ABI1: variants seen among roughly 807,000 people sequenced by gnomAD.
ABI1 encodes the protein Abelson interactor 1.
Under a neutral mutation model 54.6 loss-of-function variants are expected in ABI1, and 14 were observed. The observed-to-expected ratio is 0.26, with a 90% CI of 0.17 to 0.40. The LOEUF (loss-of-function observed/expected upper bound fraction) is 0.40, where lower values mean the gene tolerates loss of function less well. Ranked by LOEUF, ABI1 falls within the 10% of genes least tolerant of loss-of-function variation. The pLI is 1.00. For synonymous variants in ABI1, 194 were observed against 209.3 expected (o/e 0.93, Z 0.63); for missense variants, 443 against 598.3 (o/e 0.74, Z 2.71).
Position 26,820,732 on chromosome 10 carries a change from T to G in ABI1, c.285+2406A>C, listed in dbSNP as rs145375613. ...CTGAGTGAGTAGCTGGGATTACAGG[T>G]GCCCGCCACCACGCCCGGCTAATTT... On this transcript the variant is annotated intron_variant, in intron 2 of 10. Transcript: ENST00000376140. Among the ~76,000 whole-genome samples the G allele has an allele frequency of 0.018, 2,683 of 151,538 alleles. 186 individuals are homozygous for G. The South Asian group carries it at 0.19, about 11-fold the overall frequency.
chr10:26,790,209 C>CT (rs2133173251), intron 2 of ABI1, among the ~76,000 whole-genome samples: 1 of 152,354 alleles, frequency 6.6e-6, no homozygotes, highest in East Asian at 1.9e-4. Context: ...ATTCACCACA[C>CT]TGTCTTCCAC....
intron 8 of ABI1, among the ~76,000 whole-genome samples, chr10:26,758,068 CAAAAAAAAAAAAA>C (rs71403888): frequency 3.0e-5 from 2 of 67,406 alleles, no homozygotes; most frequent in African/African-American, 1.1e-4. Context: ...AACTCTGTCT[CAAAAAAAAAAAAA>C]AAAAAAAAAA....
At chr10:26,824,732 G>A (rs1009468509) in intron 1 of ABI1, among the ~76,000 whole-genome samples, 3 of 151,962 alleles carry the variant, frequency 2.0e-5, no homozygotes, top group African/African-American at 7.3e-5. Context: ...TCACATACAG[G>A]AGGAGAGGTA....
rs145837061 is a variant in ABI1, at chr10:26,854,477, A to G, written c.117+6270T>C. ...GAAAAAAAAAAAGGAAAGAAAAGAAAAAAAAAGAACTGATATGCTAGGTCA... is the reference window on the plus strand; with the variant it reads ...GAAAAAAAAAAAGGAAAGAAAAGAAGAAAAAAGAACTGATATGCTAGGTCA... On this transcript the variant is annotated intron_variant, in intron 1 of 10. Transcript: ENST00000376140. 4.8e-3 allele frequency among the ~76,000 whole-genome samples: 727 copies of G among 152,248 alleles called. 2 individuals are homozygous for G. The highest frequency in any genetic ancestry group is 7.1e-3 in the Non-Finnish European group (480 of 68,018).
At chr10:26,838,916 T>C (rs1368682711) in intron 1 of ABI1, among the ~76,000 whole-genome samples, 4 of 152,202 alleles carry the variant, frequency 2.6e-5, no homozygotes, top group Non-Finnish European at 5.9e-5. Flanking sequence ...TTTATAATTC[T>C]AAAAATGAAC....
At chr10:26,748,839 A>T (rs3802611) in intron 10 of ABI1, 94 bp from the exon 11 acceptor site, 20,139 of 881,022 alleles carry the variant, frequency 0.023, 1,570 homozygotes, top group South Asian at 0.18. Context: ...ATAGCACAGC[A>T]AAACTATTTT....
chr10:26,773,561 TA>T (rs201953425), intron 3 of ABI1, among the ~76,000 whole-genome samples: 15 of 151,276 alleles, frequency 9.9e-5, no homozygotes, highest in South Asian at 2.1e-4. Context: ...AAATAAAAAT[TA>T]AAAAAAAATC....
intron 6 of ABI1, among the ~76,000 whole-genome samples, chr10:26,767,208 A>G (rs558996346): frequency 4.6e-5 from 7 of 152,338 alleles, no homozygotes; most frequent in African/African-American, 1.7e-4. Flanking sequence ...CAATAACAAC[A>G]AAGAGAACAA....
chr10:26,765,215 C>T lies in ABI1; in HGVS notation c.820+3G>A, dbSNP rs1839781666. On this transcript the variant is annotated splice_donor_region_variant and intron_variant, in intron 7 of 10. Coordinates refer to ENST00000376140, the MANE Select transcript of ABI1 (RefSeq NM_001012750.3). Reference sequence around the variant, plus strand: ...ATTAAACATAGATTAATAAATAACACACCTGGTCCAATAGTGGGTGGCGAA... The same window carrying T: ...ATTAAACATAGATTAATAAATAACATACCTGGTCCAATAGTGGGTGGCGAA... 2.5e-6 allele frequency: 4 copies of T among 1,590,728 alleles called. No homozygotes were observed. Among genetic ancestry groups the T allele is most frequent in the Admixed American group, 1.8e-5 (1 of 57,042 alleles).
At chr10:26,762,390 A>G (rs1839350672) in intron 7 of ABI1, among the ~76,000 whole-genome samples, 1 of 152,206 alleles carries the variant, frequency 6.6e-6, no homozygotes, top group South Asian at 2.1e-4. Flanking sequence ...AAGCAGGTCT[A>G]GAAGGGACCT....
intron 1 of ABI1, among the ~76,000 whole-genome samples, chr10:26,827,889 G>A (rs200334847): frequency 2.0e-5 from 3 of 152,236 alleles, no homozygotes; most frequent in African/African-American, 4.8e-5. Flanking sequence ...CACCGCACCC[G>A]GCCAGCTTTT....
intron 2 of ABI1, among the ~76,000 whole-genome samples, chr10:26,813,241 T>G (rs895193602): frequency 1.3e-5 from 2 of 149,106 alleles, no homozygotes; most frequent in Non-Finnish European, 3.0e-5. Flanking sequence ...AGAGCAAGAT[T>G]CCATCCCCCC....
intron 1 of ABI1, among the ~76,000 whole-genome samples, chr10:26,826,601 C>T (rs1211261299): frequency 3.9e-5 from 6 of 152,210 alleles, no homozygotes; most frequent in South Asian, 4.1e-4. Flanking sequence ...AAGCCCTAGA[C>T]GGCATCTTCT....
At chr10:26,796,028 G>T (rs910406873) in intron 2 of ABI1, among the ~76,000 whole-genome samples, 4 of 152,046 alleles carry the variant, frequency 2.6e-5, no homozygotes, top group African/African-American at 9.6e-5. Context: ...GGTCTAAGCT[G>T]CAATGAGCCA....
At chr10:26,800,905 C>T (rs2046509018) in intron 2 of ABI1, among the ~76,000 whole-genome samples, 1 of 152,198 alleles carries the variant, frequency 6.6e-6, no homozygotes, top group Non-Finnish European at 1.5e-5. Flanking sequence ...ACTGGGGAGG[C>T]TGAGGCGGGA....
At chr10:26,760,790 T>G (rs954431790) in intron 7 of ABI1, among the ~76,000 whole-genome samples, 5 of 145,088 alleles carry the variant, frequency 3.4e-5, no homozygotes, top group African/African-American at 1.3e-4. Flanking sequence ...CTCGGGAGGT[T>G]GAGACAGGAG....
chr10:26,771,226 G>T, intron 3 of ABI1, 137 bp from the exon 4 acceptor site: 1 of 893,054 alleles, frequency 1.1e-6, no homozygotes, highest in Non-Finnish European at 1.8e-6. Context: ...CAACTACTTT[G>T]TAAAGAAAAA....
chr10:26,800,210 C>A (rs889432875), intron 2 of ABI1, among the ~76,000 whole-genome samples: 22 of 151,942 alleles, frequency 1.4e-4, no homozygotes, highest in Admixed American at 1.3e-3. Context: ...ATGGTGAAAC[C>A]CCGTCTCTAC....
chr10:26,790,297 A>AT (rs547902500), intron 2 of ABI1, among the ~76,000 whole-genome samples: 371 of 152,056 alleles, frequency 2.4e-3, no homozygotes, highest in African/African-American at 8.6e-3. Flanking sequence ...AGCATCTGTT[A>AT]TTTTTTTGAA....
Sources: allele counts gnomAD v4.1 joint callset (sites outside exome capture counted in the v4.1 genomes callset), GRCh38; gene constraint gnomAD v4.1.1; transcripts MANE v1.5; gene names NCBI Gene and HGNC (gene_info 2026-07-23, HGNC 2026-07-21).